The following ERBB4 variants were observed in gnomAD, a reference collection of about 807,000 sequenced individuals.
ERBB4 encodes receptor tyrosine-protein kinase erbB-4.
In ERBB4, 42 loss-of-function variants were observed where a neutral mutation model predicts 158.0. That is an observed-to-expected ratio of 0.27 (90% CI 0.21 to 0.34). The LOEUF is 0.34. ERBB4 is among the 10% of genes least tolerant of loss of function. The pLI is 1.00. For missense variants in ERBB4, 1,333 were observed against 1,624.1 expected (o/e 0.82, Z 3.08); for synonymous variants, 583 against 558.7 (o/e 1.04, Z -0.61).
intron 5 of ERBB4, among the ~76,000 whole-genome samples, chr2:211,738,355 G>GT (rs2074672634): frequency 2.6e-4 from 12 of 46,716 alleles, no homozygotes; most frequent in Admixed American, 4.3e-4. Flanking sequence ...TTTTTCCTTT[G>GT]TTTTTGTTTT....
At chr2:212,216,681 T>C (rs1427232539) in intron 1 of ERBB4, among the ~76,000 whole-genome samples, 1 of 151,406 alleles carries the variant, frequency 6.6e-6, no homozygotes, top group African/African-American at 2.4e-5. Flanking sequence ...CTTCTATTGA[T>C]TGCTATTCTT....
At chr2:212,103,257 G>A (rs748194971) in intron 2 of ERBB4, among the ~76,000 whole-genome samples, 5 of 152,028 alleles carry the variant, frequency 3.3e-5, no homozygotes, top group African/African-American at 4.8e-5. Context: ...AGCTGAAAGG[G>A]AAGTCATTTT....
chr2:211,552,538 A>T (rs1324977199), intron 20 of ERBB4, among the ~76,000 whole-genome samples: 1 of 152,112 alleles, frequency 6.6e-6, no homozygotes, highest in East Asian at 1.9e-4. Context: ...AACTAGTTTC[A>T]ATGGCAAAAC....
At chr2:211,816,138 C>T (rs1418241665) in intron 3 of ERBB4, among the ~76,000 whole-genome samples, 1 of 152,138 alleles carries the variant, frequency 6.6e-6, no homozygotes, top group Non-Finnish European at 1.5e-5. Context: ...AATAAACTCC[C>T]TTTTTTATAT....
intron 1 of ERBB4, among the ~76,000 whole-genome samples, chr2:212,411,751 A>T (rs970713765): frequency 6.6e-6 from 1 of 152,126 alleles, no homozygotes; most frequent in Non-Finnish European, 1.5e-5. Context: ...TTTGGTTGAG[A>T]TATTTCTTCC....
Position 211,950,615 on chromosome 2 carries a change from T to C in ERBB4, c.235-2999A>G, listed in dbSNP as rs371536885. Among the ~76,000 whole-genome samples the C allele has an allele frequency of 8.7e-4, 133 of 152,092 alleles. 3 individuals carry two copies. The South Asian group carries it at 0.025, about 28-fold the overall frequency. On this transcript the variant is annotated intron_variant, in intron 2 of 27. Coordinates refer to ENST00000342788, the MANE Select transcript of ERBB4 (RefSeq NM_005235.3). Reference sequence around the variant, plus strand: ...GAATAAGCATGCTACAAATAATCAATAGAAGAGTAGAATCCTAATGGAGCA... The same window carrying C: ...GAATAAGCATGCTACAAATAATCAACAGAAGAGTAGAATCCTAATGGAGCA...
intron 1 of ERBB4, among the ~76,000 whole-genome samples, chr2:212,235,889 A>T (rs2083851723): frequency 6.6e-6 from 1 of 152,202 alleles, no homozygotes; most frequent in African/African-American, 2.4e-5. Context: ...GGCGTTTTCT[A>T]AATATACAAT....
At chr2:211,580,907 A>ACACAC (rs58483804) in intron 19 of ERBB4, among the ~76,000 whole-genome samples, 68,633 of 91,756 alleles carry the variant, frequency 0.75, 30,308 homozygotes, top group East Asian at 0.93. Flanking sequence ...ATATATATAT[A>ACACAC]TATATATATG....
intron 20 of ERBB4, among the ~76,000 whole-genome samples, chr2:211,509,100 G>T (rs1187063830): frequency 1.3e-5 from 2 of 151,962 alleles, no homozygotes; most frequent in African/African-American, 4.8e-5. Flanking sequence ...ACCAAACACC[G>T]CATGTTCTCA....
chr2:211,930,079 G>T (rs1008979203), intron 3 of ERBB4, among the ~76,000 whole-genome samples: 4 of 152,008 alleles, frequency 2.6e-5, no homozygotes, highest in African/African-American at 7.2e-5. Flanking sequence ...ACAGAAAACA[G>T]ATTTTCTATT....
chr2:211,730,319 A>G (rs1293623535), intron 5 of ERBB4, among the ~76,000 whole-genome samples: 1 of 152,018 alleles, frequency 6.6e-6, no homozygotes, highest in Non-Finnish European at 1.5e-5. Context: ...TTCATAAATA[A>G]TGCAAAACAG....
At chr2:211,691,592 GTGTGTGTGTGTA>G (rs1006090803) in intron 12 of ERBB4, among the ~76,000 whole-genome samples, 1,631 of 146,696 alleles carry the variant, frequency 0.011, 20 homozygotes, top group Non-Finnish European at 0.018. Context: ...GTGTGTGTGT[GTGTGTGTGTGTA>G]TATATATAAC....
rs191028362 is a variant in ERBB4 at position 211,583,375 on chromosome 2, G to A, written c.2302-21287C>T. On this transcript the variant is annotated intron_variant, in intron 19 of 27. Coordinates refer to ENST00000342788, the MANE Select transcript of ERBB4 (RefSeq NM_005235.3). ...AGTACCACTGGGTGGTAAAAAAGTT[G>A]AGAGGAATAAATTTTAATTAATTGT... Among the ~76,000 whole-genome samples the A allele has an allele frequency of 5.3e-5, 8 of 151,914 alleles. No homozygotes were observed. The East Asian group carries it at 1.5e-3, about 29-fold the overall frequency.
At position 211,377,568 on chromosome 2, in the gene ERBB4, A is replaced by G; in HGVS notation, c.*6047T>C. On this transcript the variant is annotated 3_prime_UTR_variant, in exon 28 of 28. Transcript: ENST00000342788. The stretch of plus-strand genomic sequence containing the variant: ...TATTTGTTAGATGGATGAATGATCC[A>G]AAAAAGAATTGCAGGTGGTTATCAA... 4.3e-6 allele frequency: 1 copy of G among 232,488 alleles called. No homozygotes were observed. The highest frequency in any genetic ancestry group is 6.1e-5 in the East Asian group (1 of 16,440). The allele number at this position is 232,488 out of a possible 1,614,324, so 14.4% of individuals were successfully genotyped here.
chr2:212,233,877 T>C (rs1191640128), intron 1 of ERBB4, among the ~76,000 whole-genome samples: 1 of 151,832 alleles, frequency 6.6e-6, no homozygotes, highest in Non-Finnish European at 1.5e-5. Flanking sequence ...CATTTGACTT[T>C]TCATTTGTGA....
At chr2:211,670,688 A>G (rs2105932800) in intron 14 of ERBB4, among the ~76,000 whole-genome samples, 1 of 152,332 alleles carries the variant, frequency 6.6e-6, no homozygotes, top group Non-Finnish European at 1.5e-5. Context: ...CATCTCTGAG[A>G]TTATTTCCTC....
At chr2:212,164,624 C>T (rs993147890) in intron 1 of ERBB4, among the ~76,000 whole-genome samples, 1 of 151,976 alleles carries the variant, frequency 6.6e-6, no homozygotes, top group Non-Finnish European at 1.5e-5. Context: ...TTTCTTCCTG[C>T]TGTTAAGCGT....
At chr2:211,461,138 T>TA (rs2064519677) in intron 20 of ERBB4, among the ~76,000 whole-genome samples, 1 of 152,108 alleles carries the variant, frequency 6.6e-6, no homozygotes, top group East Asian at 1.9e-4. Context: ...AAAGTTAGCT[T>TA]AAAAAGTAAA....
intron 12 of ERBB4, among the ~76,000 whole-genome samples, chr2:211,683,254 T>C (rs2072428273): frequency 6.6e-6 from 1 of 152,128 alleles, no homozygotes; most frequent in Non-Finnish European, 1.5e-5. Flanking sequence ...GGCATTGATA[T>C]AGGCAAAATA....
Sources: allele counts gnomAD v4.1 joint callset (sites outside exome capture counted in the v4.1 genomes callset), GRCh38; gene constraint gnomAD v4.1.1; transcripts MANE v1.5; gene names NCBI Gene and HGNC (gene_info 2026-07-23, HGNC 2026-07-21).